NGLY1: variants seen among roughly 807,000 people sequenced by gnomAD.
NGLY1 encodes peptide-N(4)-(N-acetyl-beta-glucosaminyl)asparagine amidase.
Under a neutral mutation model 84.6 loss-of-function variants are expected in NGLY1, and 68 were observed. That is an observed-to-expected ratio of 0.80 (90% CI 0.66 to 0.98). The LOEUF (loss-of-function observed/expected upper bound fraction) is 0.98, where lower values mean the gene tolerates loss of function less well. Among genes scored for constraint, NGLY1 ranks in the 50% least tolerant of loss-of-function variants. The pLI is 0.00. For missense variants in NGLY1, 779 were observed against 770.2 expected (o/e 1.01, Z -0.14); for synonymous variants, 280 against 275.2 (o/e 1.02, Z -0.17).
chr3:25,769,559 C>A (rs772020211), intron 2 of NGLY1, among the ~76,000 whole-genome samples: 6 of 151,938 alleles, frequency 3.9e-5, no homozygotes, highest in Non-Finnish European at 8.8e-5. Flanking sequence ...AAAATAAATG[C>A]TGGCAAGGAT....
At chr3:25,724,253 A>G (rs565094750) in intron 10 of NGLY1, among the ~76,000 whole-genome samples, 3 of 152,266 alleles carry the variant, frequency 2.0e-5, no homozygotes, top group South Asian at 2.1e-4. Context: ...TGTTCTACTG[A>G]GGCTGCTAAG....
chr3:25,720,081 T>C lies in NGLY1; in HGVS notation c.1722A>G (p.Gln574=), dbSNP rs74650888. 2.3e-3 allele frequency: 3,790 copies of C among 1,613,902 alleles called. 7 individuals are homozygous for C. The highest frequency in any genetic ancestry group is 3.0e-3 in the Non-Finnish European group (3,528 of 1,179,866). ...VDSISIRTSS[Q]TFQTGTVEWK... is the part of the protein sequence containing the mutation. The stretch of plus-strand genomic sequence containing the variant: ...ATTCTACTGTTCCAGTCTGAAAAGT[T>C]TGACTACTTGTTCTAATAGAAATGC... Residue 574 remains glutamine, a synonymous_variant, in exon 11 of 12, where the codon CAA becomes CAG. Coordinates refer to ENST00000280700, the MANE Select transcript of NGLY1 (RefSeq NM_018297.4).
chr3:25,725,110 G>A (rs576032583), intron 10 of NGLY1, among the ~76,000 whole-genome samples: 5 of 152,326 alleles, frequency 3.3e-5, no homozygotes, highest in Admixed American at 6.5e-5. Context: ...TGCACAGAGA[G>A]ACCAAGAAGA....
At chr3:25,789,712 T>C (rs775636105) in intron 1 of NGLY1, 99 of 966,970 alleles carry the variant, frequency 1.0e-4, no homozygotes, top group Non-Finnish European at 1.5e-4. Context: ...TTGCGAGCTA[T>C]AGCAATAACT....
rs182607666 is a variant in NGLY1 at position 25,772,367 on chromosome 3, C to G, written c.246+6207G>C. The stretch of plus-strand genomic sequence containing the variant: ...ACATATTTAGGACTGTAATGTTTTC[C>G]TGTTGGACTAGCCCTTTTATCATTA... On this transcript the variant is annotated intron_variant, in intron 2 of 11. Transcript: ENST00000280700. Among the ~76,000 whole-genome samples, 62 of 152,226 alleles carry G rather than the reference C, an allele frequency of 4.1e-4. 1 individual carries two copies. The highest frequency in any genetic ancestry group is 9.2e-4 in the Admixed American group (14 of 15,278).
At chr3:25,733,690 C>T (rs184866624) in intron 8 of NGLY1, among the ~76,000 whole-genome samples, 182 bp downstream of exon 8, 38 of 151,692 alleles carry the variant, frequency 2.5e-4, no homozygotes, top group Admixed American at 9.2e-4. Context: ...AAAATGAGTC[C>T]GCAAAATTTT....
intron 2 of NGLY1, 51 bp from the exon 3 acceptor site, chr3:25,764,362 T>C (rs1330754135): frequency 1.3e-6 from 2 of 1,569,326 alleles, no homozygotes; most frequent in Non-Finnish European, 1.7e-6. Context: ...TATGCAGTCA[T>C]TCTTTTGTGC....
intron 10 of NGLY1, among the ~76,000 whole-genome samples, chr3:25,725,669 G>C (rs1705215432): frequency 6.6e-6 from 1 of 152,086 alleles, no homozygotes; most frequent in Non-Finnish European, 1.5e-5. Context: ...CTGCAGAATT[G>C]CTTGCTTGCT....
At chr3:25,760,860 C>CAAAAAAAAAAAAAAAAAAAAA (rs760535260) in intron 3 of NGLY1, among the ~76,000 whole-genome samples, 2 of 71,674 alleles carry the variant, frequency 2.8e-5, no homozygotes, top group African/African-American at 1.4e-4. Context: ...AACTCTGTCT[C>CAAAAAAAAAAAAAAAAAAAAA]AAAAAAAAAA....
chr3:25,763,447 G>A (rs184643028), intron 3 of NGLY1, among the ~76,000 whole-genome samples: 323 of 152,318 alleles, frequency 2.1e-3, no homozygotes, highest in Admixed American at 4.1e-3. Flanking sequence ...CTGCAAAACT[G>A]ATGAAGACCT....
chr3:25,783,774 T>C (rs1468975461), upstream of NGLY1, among the ~76,000 whole-genome samples: 1 of 151,532 alleles, frequency 6.6e-6, no homozygotes, highest in African/African-American at 2.4e-5. This position sits in a 1 kb window ranked among gnomAD's most constrained non-coding sequence, Gnocchi z 4.5. Context: ...GTCGTACAGG[T>C]TGGGAAGGGG....
chr3:25,749,431 A>C (rs1435973672), intron 4 of NGLY1: 5 of 967,814 alleles, frequency 5.2e-6, no homozygotes, highest in Non-Finnish European at 8.1e-6. Context: ...AAAGGAAGGA[A>C]GCTCTCTCCT....
intron 4 of NGLY1, chr3:25,749,543 A>G: frequency 6.3e-7 from 1 of 1,583,602 alleles, no homozygotes; most frequent in South Asian, 1.1e-5. Flanking sequence ...AGAACCAAGA[A>G]GTTCATCCGG....
intron 4 of NGLY1, among the ~76,000 whole-genome samples, chr3:25,742,579 C>CT (rs1481253136): frequency 6.6e-6 from 1 of 152,104 alleles, no homozygotes; most frequent in Non-Finnish European, 1.5e-5. Flanking sequence ...AATATGAAAG[C>CT]TTTCCAACAG....
At position 25,755,418 on chromosome 3, in the gene NGLY1, T is replaced by C. The variant is rs192408732; in HGVS notation, c.493-4155A>G. ...CCTACTATAGTGACCCCACAAACAG[T>C]GTCTGTCCCAAATAAAGTTTCAACT... On this transcript the variant is annotated intron_variant, in intron 3 of 11. Coordinates refer to ENST00000280700, the MANE Select transcript of NGLY1 (RefSeq NM_018297.4). The C allele has an allele frequency of 6.8e-4, 992 of 1,448,978 alleles. 5 individuals are homozygous for C. The African/African-American group carries it at 0.012, about 17-fold the overall frequency. 89.8% of individuals were successfully genotyped at this position (1,448,978 alleles called of 1,614,324 possible).
At chr3:25,734,337 G>A in intron 7 of NGLY1, 1 of 161,506 alleles carries the variant, frequency 6.2e-6, no homozygotes, top group South Asian at 1.7e-4. Context: ...CCAAAGTGCT[G>A]GGATTATAAG....
intron 10 of NGLY1, among the ~76,000 whole-genome samples, chr3:25,721,552 A>G (rs2968165): frequency 0.73 from 109,818 of 151,430 alleles, 41,907 homozygotes; most frequent in East Asian, 0.89. Context: ...AGGAGATCGA[A>G]ACCATCCTAA....
intron 4 of NGLY1, among the ~76,000 whole-genome samples, chr3:25,748,100 T>C (rs143213747): frequency 1.0e-3 from 155 of 152,270 alleles, no homozygotes; most frequent in African/African-American, 3.4e-3. Flanking sequence ...GGGAAGGACA[T>C]ATATTTCCCT....
chr3:25,776,811 A>G (rs1418054632), intron 2 of NGLY1, among the ~76,000 whole-genome samples: 1 of 152,182 alleles, frequency 6.6e-6, no homozygotes, highest in Non-Finnish European at 1.5e-5. Flanking sequence ...TCCTGGATCC[A>G]TCTACTTCTC....
Sources: allele counts gnomAD v4.1 joint callset (sites outside exome capture counted in the v4.1 genomes callset), GRCh38; gene constraint gnomAD v4.1.1; non-coding constraint Gnocchi (gnomAD v3.1); transcripts MANE v1.5; gene names NCBI Gene and HGNC (gene_info 2026-07-23, HGNC 2026-07-21).